ANO3: variants seen among roughly 807,000 people sequenced by gnomAD.
ANO3 encodes anoctamin 3.
In ANO3, 99 loss-of-function variants were observed where a neutral mutation model predicts 144.8. That is an observed-to-expected ratio of 0.68 (90% CI 0.58 to 0.81). ANO3 has a LOEUF of 0.81. Ranked by LOEUF, ANO3 falls within the 30% of genes least tolerant of loss-of-function variation. The probability of loss-of-function intolerance (pLI) is 0.00; values close to 1 mark genes in which losing one functional copy is unlikely to be tolerated. For missense variants in ANO3, 905 were observed against 1,202.2 expected (o/e 0.75, Z 3.66); for synonymous variants, 414 against 392.6 (o/e 1.05, Z -0.64).
At chr11:26,245,322 T>C (rs1852766290) in intron 1 of ANO3, among the ~76,000 whole-genome samples, 1 of 152,184 alleles carries the variant, frequency 6.6e-6, no homozygotes, top group African/African-American at 2.4e-5. Context: ...ATCTCTGGGA[T>C]GATTCAAAAA....
chr11:26,217,927 G>C (rs1467610719), intron 1 of ANO3, among the ~76,000 whole-genome samples: 4 of 152,050 alleles, frequency 2.6e-5, no homozygotes, highest in Non-Finnish European at 5.9e-5. Context: ...AATGTTAAGT[G>C]AGAAATGTCA....
At chr11:26,593,540 G>T (rs1259474733) in intron 14 of ANO3, among the ~76,000 whole-genome samples, 1 of 152,116 alleles carries the variant, frequency 6.6e-6, no homozygotes, top group Admixed American at 6.5e-5. Flanking sequence ...AGCATACCCG[G>T]GGCTCTGTGA....
intron 4 of ANO3, among the ~76,000 whole-genome samples, chr11:26,465,209 T>G (rs980159403): frequency 6.6e-6 from 1 of 151,012 alleles, no homozygotes; most frequent in African/African-American, 2.4e-5. Context: ...TCTTATGACA[T>G]TGACAATTTT....
intron 1 of ANO3, among the ~76,000 whole-genome samples, chr11:26,282,882 A>T (rs1853711043): frequency 6.6e-6 from 1 of 152,142 alleles, no homozygotes; most frequent in Non-Finnish European, 1.5e-5. Flanking sequence ...ACCCACAAAC[A>T]TCATTCACAA....
At chr11:26,452,155 A>G (rs1858968865) in intron 3 of ANO3, among the ~76,000 whole-genome samples, 1 of 152,220 alleles carries the variant, frequency 6.6e-6, no homozygotes, top group Non-Finnish European at 1.5e-5. Context: ...GAAAAACTGG[A>G]AACTCTAAAA....
At chr11:26,563,348 A>C (rs1850372958) in intron 14 of ANO3, 1 of 1,350,898 alleles carries the variant, frequency 7.4e-7, no homozygotes, top group East Asian at 2.6e-5. Context: ...TCCATATAAC[A>C]AAGAATGTTT....
chr11:26,484,472 A>C (rs1179008530), intron 4 of ANO3, among the ~76,000 whole-genome samples: 1 of 152,152 alleles, frequency 6.6e-6, no homozygotes, highest in Non-Finnish European at 1.5e-5. Flanking sequence ...ATGTTCACAG[A>C]GGGCAAGAGT....
At chr11:26,601,593 T>C (rs1851801383) in intron 17 of ANO3, among the ~76,000 whole-genome samples, 1 of 152,198 alleles carries the variant, frequency 6.6e-6, no homozygotes, top group South Asian at 2.1e-4. Flanking sequence ...ATATATAAGA[T>C]AGTATAGGTT....
chr11:26,442,313 A>G (rs1227229783), intron 2 of ANO3, among the ~76,000 whole-genome samples: 1 of 152,142 alleles, frequency 6.6e-6, no homozygotes, highest in Non-Finnish European at 1.5e-5. Flanking sequence ...GGCCAATCCC[A>G]TGGAGTCTGG....
intron 14 of ANO3, among the ~76,000 whole-genome samples, chr11:26,573,213 G>T: frequency 6.6e-6 from 1 of 152,264 alleles, no homozygotes; most frequent in Middle Eastern, 3.4e-3. Context: ...GGAATGCAAA[G>T]AATCTGCCCA....
chr11:26,276,145 C>T (rs1379466463), intron 1 of ANO3, among the ~76,000 whole-genome samples: 4 of 152,060 alleles, frequency 2.6e-5, no homozygotes, highest in Admixed American at 2.6e-4. Context: ...TGGAGCCTGG[C>T]CCAAGTTTCA....
At chr11:26,438,985 GA>G (rs1160235333) in intron 1 of ANO3, among the ~76,000 whole-genome samples, 1 of 152,172 alleles carries the variant, frequency 6.6e-6, no homozygotes, top group African/African-American at 2.4e-5. Flanking sequence ...CATAGGAATG[GA>G]CATATAGATT....
Position 26,479,489 on chromosome 11 carries a change from C to A in ANO3, c.432+16341C>A, listed in dbSNP as rs76643265. Among the ~76,000 whole-genome samples the A allele has an allele frequency of 1.1e-3, 165 of 152,150 alleles. 3 individuals carry two copies. The East Asian group carries it at 0.031, about 28-fold the overall frequency. ...ATAATCACGGAAGGCAAATGAGGAGCAAAGTCACATCTTGCGTGGGGGCAG... is the reference window on the plus strand; with the variant it reads ...ATAATCACGGAAGGCAAATGAGGAGAAAAGTCACATCTTGCGTGGGGGCAG... On this transcript the variant is annotated intron_variant, in intron 4 of 26. Transcript: ENST00000256737.
chr11:26,593,579 T>C (rs293996), intron 14 of ANO3, among the ~76,000 whole-genome samples: 135,831 of 152,150 alleles, frequency 0.89, 60,730 homozygotes, highest in East Asian at 0.96. Flanking sequence ...GCGCTTGCCC[T>C]GGGCACCCTC....
intron 1 of ANO3, chr11:26,287,685 T>A (rs563900447): frequency 6.6e-6 from 1 of 152,338 alleles, no homozygotes; most frequent in South Asian, 2.1e-4. Context: ...AAACCAGGAT[T>A]TAAACCCAGG....
At chr11:26,593,279 C>G (rs1328562102) in intron 14 of ANO3, among the ~76,000 whole-genome samples, 1 of 152,056 alleles carries the variant, frequency 6.6e-6, no homozygotes, top group Admixed American at 6.5e-5. Flanking sequence ...GTATAATGGC[C>G]CCTGCTTTTG....
At chr11:26,576,097 C>T (rs1590574074) in intron 14 of ANO3, among the ~76,000 whole-genome samples, 2 of 152,262 alleles carry the variant, frequency 1.3e-5, no homozygotes, top group South Asian at 2.1e-4. Flanking sequence ...TGGCTAGATT[C>T]TCCAGATTTA....
At chr11:26,482,312 G>T (rs1282525696) in intron 4 of ANO3, among the ~76,000 whole-genome samples, 2 of 151,910 alleles carry the variant, frequency 1.3e-5, no homozygotes, top group Non-Finnish European at 2.9e-5. Context: ...GGTGTTTCTT[G>T]AATCATGTGG....
chr11:26,624,228 G>GT (rs1852509562), intron 17 of ANO3, among the ~76,000 whole-genome samples: 1 of 151,618 alleles, frequency 6.6e-6, no homozygotes, highest in Non-Finnish European at 1.5e-5. Context: ...GATTACAAGT[G>GT]TATCTACACA....
Sources: allele counts gnomAD v4.1 joint callset (sites outside exome capture counted in the v4.1 genomes callset), GRCh38; gene constraint gnomAD v4.1.1; transcripts MANE v1.5; gene names NCBI Gene and HGNC (gene_info 2026-07-23, HGNC 2026-07-21).